Variants in PGPEP1 observed in about 807,000 individuals in gnomAD.
PGPEP1 encodes the protein pyroglutamyl-peptidase 1.
PGPEP1 carries 15 observed loss-of-function variants against 24.1 expected under a neutral mutation model. The ratio of observed to expected loss-of-function variants is 0.62; its 90% CI spans 0.42 to 0.96. PGPEP1 has a LOEUF of 0.96. Among genes scored for constraint, PGPEP1 ranks in the 40% least tolerant of loss-of-function variants. The pLI is 0.00. For missense variants in PGPEP1, 242 were observed against 273.4 expected (o/e 0.89, Z 0.81); for synonymous variants, 122 against 116.4 (o/e 1.05, Z -0.31).
intron 1 of PGPEP1, 36 bp from the exon 2 acceptor site, chr19:18,342,823 C>A: frequency 6.3e-7 from 1 of 1,574,934 alleles, no homozygotes; most frequent in Non-Finnish European, 8.7e-7. Flanking sequence ...GGAAGGGCCA[C>A]TCTTGGGTAA....
intron 2 of PGPEP1, among the ~76,000 whole-genome samples, chr19:18,352,287 A>AAAAAAAAAAAAAAG (rs1568312895): frequency 1.3e-5 from 2 of 148,854 alleles, no homozygotes; most frequent in East Asian, 2.0e-4. Flanking sequence ...AAAAAAAAAA[A>AAAAAAAAAAAAAAG]TTAGTTGGGT....
intron 2 of PGPEP1, 103 bp downstream of exon 2, chr19:18,343,014 TTTTG>T: frequency 1.2e-6 from 1 of 860,980 alleles, no homozygotes; most frequent in Non-Finnish European, 1.9e-6. Context: ...TTTTTTTTTT[TTTTG>T]AGACGAAATC....
chr19:18,369,613 G>A lies in PGPEP1; in HGVS notation c.*6030G>A, dbSNP rs1600239367. 1 of 152,344 alleles carries A rather than the reference G, an allele frequency of 6.6e-6. No individual in the cohort carries two copies. Among genetic ancestry groups the A allele is most frequent in the East Asian group, 1.9e-4 (1 of 5,180 alleles). The allele number at this position is 152,344 out of a possible 1,614,324, so 9.4% of individuals were successfully genotyped here. ...CCTCCCCTGAGCCTTTGGAAGCCGA[G>A]TTCACTCTCTGCCTGCCCAGGGGAG... On this transcript the variant is annotated 3_prime_UTR_variant, in exon 5 of 5. Transcript: ENST00000269919.
intron 2 of PGPEP1, among the ~76,000 whole-genome samples, chr19:18,348,472 G>A (rs751794521): frequency 6.6e-5 from 10 of 152,274 alleles, no homozygotes; most frequent in South Asian, 4.1e-4. Context: ...GTCCTTTCAC[G>A]GTGTATGCTT....
rs554072865 is a variant in PGPEP1, at chr19:18,364,099, T to C, written c.*516T>C. 1.5e-5 allele frequency: 2 copies of C among 133,540 alleles called. No homozygotes were observed. Among genetic ancestry groups the C allele is most frequent in the Non-Finnish European group, 3.3e-5 (2 of 60,620 alleles). 8.3% of individuals were successfully genotyped at this position (133,540 alleles called of 1,614,324 possible). ...GGCTGGCTGGCTTTCTTTCTTTCTTTCTTTCTTTCTTTCTTGCTTTCTTTC... is the reference window on the plus strand; with the variant it reads ...GGCTGGCTGGCTTTCTTTCTTTCTTCCTTTCTTTCTTTCTTGCTTTCTTTC... On this transcript the variant is annotated 3_prime_UTR_variant, in exon 5 of 5. Coordinates refer to ENST00000269919, the MANE Select transcript of PGPEP1 (RefSeq NM_017712.4).
intron 2 of PGPEP1, among the ~76,000 whole-genome samples, chr19:18,344,330 G>GC (rs1431634297): frequency 5.3e-5 from 8 of 152,092 alleles, no homozygotes; most frequent in Non-Finnish European, 7.3e-5. Flanking sequence ...GTAGGGACAG[G>GC]CTGGGGAGCA....
rs1347879074 is a variant in PGPEP1 at position 18,366,262 on chromosome 19, T to A, written c.*2679T>A. The A allele has an allele frequency of 2.6e-5, 4 of 152,170 alleles. No individual in the cohort carries two copies. The highest frequency in any genetic ancestry group is 4.4e-5 in the Non-Finnish European group (3 of 68,050). 9.4% of individuals were successfully genotyped at this position (152,170 alleles called of 1,614,324 possible). A position where few individuals can be genotyped will look rare whatever the true frequency, so the allele number is the denominator to read the frequency against. ...TGCCCCGGGCTCCACACTTCCATCT[T>A]TCTTTTGTCTTCATTTCACCTCTGT... is the stretch of plus-strand genomic sequence containing the variant. On this transcript the variant is annotated 3_prime_UTR_variant, in exon 5 of 5. Coordinates refer to ENST00000269919, the MANE Select transcript of PGPEP1 (RefSeq NM_017712.4).
At chr19:18,343,413 A>T (rs1970732410) in intron 2 of PGPEP1, among the ~76,000 whole-genome samples, 2 of 152,156 alleles carry the variant, frequency 1.3e-5, no homozygotes, top group Non-Finnish European at 2.9e-5. Context: ...CAACCCATGC[A>T]TAGTACGTGT....
intron 1 of PGPEP1, among the ~76,000 whole-genome samples, chr19:18,342,155 C>T (rs1970689546): frequency 6.6e-6 from 1 of 152,116 alleles, no homozygotes; most frequent in African/African-American, 2.4e-5. Flanking sequence ...GTGATCCGCC[C>T]GCCTTGGCCT....
At position 18,366,528 on chromosome 19, in the gene PGPEP1, T is replaced by C. The variant is rs990614153; in HGVS notation, c.*2945T>C. ...CACTGTTACTCGGGCTAGAGTGCAATGGCGTGATCTCGGCTCACTGCAACC... is the reference window on the plus strand; with the variant it reads ...CACTGTTACTCGGGCTAGAGTGCAACGGCGTGATCTCGGCTCACTGCAACC... On this transcript the variant is annotated 3_prime_UTR_variant, in exon 5 of 5. Coordinates refer to ENST00000269919, the MANE Select transcript of PGPEP1 (RefSeq NM_017712.4). 1 of 152,192 alleles carries C rather than the reference T, an allele frequency of 6.6e-6. No individual in the cohort carries two copies. The highest frequency in any genetic ancestry group is 1.5e-5 in the Non-Finnish European group (1 of 68,046). 9.4% of individuals were successfully genotyped at this position (152,192 alleles called of 1,614,324 possible). A position where few individuals can be genotyped will look rare whatever the true frequency, so the allele number is the denominator to read the frequency against.
At chr19:18,348,434 T>C (rs999337819) in intron 2 of PGPEP1, among the ~76,000 whole-genome samples, 2 of 152,058 alleles carry the variant, frequency 1.3e-5, no homozygotes, top group African/African-American at 4.8e-5. Context: ...AGATGGGGTG[T>C]AGACAATGGG....
intron 2 of PGPEP1, among the ~76,000 whole-genome samples, chr19:18,353,833 A>G (rs1238121885): frequency 6.6e-6 from 1 of 152,136 alleles, no homozygotes; most frequent in South Asian, 2.1e-4. Flanking sequence ...TTTCCTTTTC[A>G]TGGCTGAATC....
Position 18,349,873 on chromosome 19 carries a change from C to T in PGPEP1, c.88-6022C>T, listed in dbSNP as rs551983117. On this transcript the variant is annotated intron_variant, in intron 2 of 4. Coordinates refer to ENST00000269919, the MANE Select transcript of PGPEP1 (RefSeq NM_017712.4). The stretch of plus-strand genomic sequence containing the variant: ...TTTTTCTTTTATTGTCTGTGCTTTT[C>T]GTGTCATTTGGTGTGTGGGGGCTTT... Among the ~76,000 whole-genome samples the T allele has an allele frequency of 1.6e-4, 25 of 152,090 alleles. No individual in the cohort carries two copies. In the East Asian group the frequency reaches 2.7e-3, roughly 16 times the overall value.
rs200469370 is a variant in PGPEP1 at position 18,347,248 on chromosome 19, AT to A, written c.87+4346del. On this transcript the variant is annotated intron_variant, in intron 2 of 4. Coordinates refer to ENST00000269919, the MANE Select transcript of PGPEP1 (RefSeq NM_017712.4). ...AGGCATGCACCACCACACCCAGCTA[AT>A]TTTTTTTTCTTTCTTTCTTTCTTTT... Among the ~76,000 whole-genome samples, 703 of 102,832 alleles carry A rather than the reference AT, an allele frequency of 6.8e-3. 10 individuals are homozygous for A. The highest frequency in any genetic ancestry group is 0.022 in the African/African-American group (645 of 29,702). 67.5% of individuals were successfully genotyped at this position (102,832 alleles called of 152,430 possible).
chr19:18,364,624 G>A lies in PGPEP1; in HGVS notation c.*1041G>A, dbSNP rs1170648504. 1 of 152,022 alleles carries A rather than the reference G, an allele frequency of 6.6e-6. No individual in the cohort carries two copies. The highest frequency in any genetic ancestry group is 6.6e-5 in the Admixed American group (1 of 15,238). 9.4% of individuals were successfully genotyped at this position (152,022 alleles called of 1,614,324 possible). On this transcript the variant is annotated 3_prime_UTR_variant, in exon 5 of 5. Coordinates refer to ENST00000269919, the MANE Select transcript of PGPEP1 (RefSeq NM_017712.4). ...GCGAGACTCTGTCTCAAAACAATTG[G>A]ACTTAAGATGGCATGTCTTTGTTTT...
chr19:18,346,633 C>CTT (rs775309565), intron 2 of PGPEP1, among the ~76,000 whole-genome samples: 13,178 of 79,462 alleles, frequency 0.17, 1,803 homozygotes, highest in Non-Finnish European at 0.19. Flanking sequence ...CTGTTTCTCT[C>CTT]TTTTTTTTTT....
rs368878717 is a variant in PGPEP1 at position 18,363,376 on chromosome 19, C to T, written c.438-15C>T. ...GTTTTGGTCTCTCTCTTACCCGCCACGCCCTGCGGCTTAGATATCTCTGCG... is the reference window on the plus strand; with the variant it reads ...GTTTTGGTCTCTCTCTTACCCGCCATGCCCTGCGGCTTAGATATCTCTGCG... On this transcript the variant is annotated splice_polypyrimidine_tract_variant and intron_variant, in intron 4 of 4. Transcript: ENST00000269919. 2.9e-5 allele frequency: 47 copies of T among 1,596,118 alleles called. No individual in the cohort carries two copies. The African/African-American group carries it at 3.2e-4, about 11-fold the overall frequency.
At position 18,368,651 on chromosome 19, in the gene PGPEP1, G is replaced by A. The variant is rs1971621879; in HGVS notation, c.*5068G>A. The A allele has an allele frequency of 6.5e-6, 1 of 153,060 alleles. No individual in the cohort carries two copies. Among genetic ancestry groups the A allele is most frequent in the Admixed American group, 6.6e-5 (1 of 15,262 alleles). The allele number at this position is 153,060 out of a possible 1,614,324, so 9.5% of individuals were successfully genotyped here. On this transcript the variant is annotated 3_prime_UTR_variant, in exon 5 of 5. Coordinates refer to ENST00000269919, the MANE Select transcript of PGPEP1 (RefSeq NM_017712.4). ...CAGTGCCCTGGGGAGGTGACCAGGT[G>A]GAGGGGGATGGCTCATGGAAATCTG...
intron 2 of PGPEP1, among the ~76,000 whole-genome samples, chr19:18,351,726 T>C (rs1044028503): frequency 2.0e-5 from 3 of 151,836 alleles, no homozygotes; most frequent in African/African-American, 7.3e-5. Context: ...GAGGATCGCT[T>C]GAGTCTAGGA....
Sources: allele counts gnomAD v4.1 joint callset (sites outside exome capture counted in the v4.1 genomes callset), GRCh38; gene constraint gnomAD v4.1.1; transcripts MANE v1.5; gene names NCBI Gene and HGNC (gene_info 2026-07-23, HGNC 2026-07-21).